Variants in CCSER1 observed in about 807,000 individuals in gnomAD.
The protein encoded by CCSER1 is serine-rich coiled-coil domain-containing protein 1.
CCSER1 carries 41 observed loss-of-function variants against 82.0 expected under a neutral mutation model. The ratio of observed to expected loss-of-function variants is 0.50; its 90% CI spans 0.39 to 0.65. The LOEUF is 0.65. Ranked by LOEUF, CCSER1 falls within the 30% of genes least tolerant of loss-of-function variation. CCSER1 has a pLI of 0.00. For synonymous variants in CCSER1, 414 were observed against 383.9 expected, an observed-to-expected ratio of 1.08 and a Z score of -0.92; for missense variants, 1,119 against 1,064.2, an observed-to-expected ratio of 1.05 and a Z score of -0.72.
At chr4:90,768,572 A>G (rs751042336) in intron 7 of CCSER1, among the ~76,000 whole-genome samples, 1 of 152,204 alleles carries the variant, frequency 6.6e-6, no homozygotes, top group Non-Finnish European at 1.5e-5. Flanking sequence ...AATGTTAGTG[A>G]AAGTGGAAAG....
intron 6 of CCSER1, among the ~76,000 whole-genome samples, chr4:90,662,435 C>G (rs1262987812): frequency 1.3e-5 from 2 of 151,980 alleles, no homozygotes; most frequent in African/African-American, 2.4e-5. Context: ...TTTTAATTTT[C>G]TGCATCTTTT....
At chr4:91,519,189 T>C (rs1334387828) in intron 10 of CCSER1, among the ~76,000 whole-genome samples, 1 of 152,162 alleles carries the variant, frequency 6.6e-6, no homozygotes, top group Non-Finnish European at 1.5e-5. Context: ...GGGACCTGTA[T>C]GGAGAACAGT....
At chr4:90,253,743 G>A (rs530073861) in intron 1 of CCSER1, among the ~76,000 whole-genome samples, 467 of 152,188 alleles carry the variant, frequency 3.1e-3, no homozygotes, top group Non-Finnish European at 4.5e-3. Context: ...ACAACCGTGG[G>A]CATGCACACA....
chr4:90,592,324 T>C (rs1399209384), intron 5 of CCSER1, among the ~76,000 whole-genome samples: 1 of 152,220 alleles, frequency 6.6e-6, no homozygotes, highest in Non-Finnish European at 1.5e-5. Flanking sequence ...AGTTGGATTA[T>C]ATTACAGACC....
chr4:91,020,510 A>C (rs1739842873), intron 9 of CCSER1, among the ~76,000 whole-genome samples: 1 of 152,068 alleles, frequency 6.6e-6, no homozygotes, highest in Non-Finnish European at 1.5e-5. Context: ...AAAATACAAA[A>C]AATTAGCCGG....
At chr4:90,414,063 T>A (rs1578358559) in intron 4 of CCSER1, among the ~76,000 whole-genome samples, 1 of 143,760 alleles carries the variant, frequency 7.0e-6, no homozygotes, top group South Asian at 2.2e-4. Flanking sequence ...TAAAATATGT[T>A]TTATAGTGCA....
chr4:90,413,420 A>G (rs180763718), intron 4 of CCSER1, among the ~76,000 whole-genome samples: 152 of 152,272 alleles, frequency 1.0e-3, no homozygotes, highest in Non-Finnish European at 1.9e-3. Flanking sequence ...AAACACTACC[A>G]TTATTCTTTG....
intron 9 of CCSER1, among the ~76,000 whole-genome samples, chr4:91,064,942 C>T (rs1177093784): frequency 6.6e-6 from 1 of 151,992 alleles, no homozygotes; most frequent in East Asian, 1.9e-4. Flanking sequence ...ATATTCTAAA[C>T]CTAGGTTTTC....
intron 10 of CCSER1, among the ~76,000 whole-genome samples, chr4:91,249,162 G>A (rs1431481326): frequency 2.0e-5 from 3 of 151,962 alleles, no homozygotes; most frequent in African/African-American, 4.8e-5. Context: ...CTGAAAATTC[G>A]GGGTGTAGTT....
intron 8 of CCSER1, among the ~76,000 whole-genome samples, chr4:90,843,396 C>CA (rs1184024445): frequency 1.3e-5 from 2 of 152,114 alleles, no homozygotes; most frequent in Admixed American, 1.3e-4. Context: ...AGTTAGGCCT[C>CA]AAATAGTTTA....
At chr4:90,753,385 C>G (rs1030599106) in intron 7 of CCSER1, among the ~76,000 whole-genome samples, 2 of 152,004 alleles carry the variant, frequency 1.3e-5, no homozygotes, top group Admixed American at 6.6e-5. Context: ...AATTTTATGT[C>G]AAAGAGGCAA....
At chr4:90,735,731 T>C (rs1745528313) in intron 7 of CCSER1, among the ~76,000 whole-genome samples, 2 of 152,100 alleles carry the variant, frequency 1.3e-5, no homozygotes, top group Non-Finnish European at 2.9e-5. Context: ...TTTATTGATC[T>C]GTATTATTTA....
chr4:91,084,209 G>A lies in CCSER1; in HGVS notation c.2173-1741G>A, dbSNP rs954970078. Among the ~76,000 whole-genome samples, 5 of 152,142 alleles carry A rather than the reference G, an allele frequency of 3.3e-5. No individual in the cohort carries two copies. The East Asian group carries it at 5.8e-4, about 18-fold the overall frequency. On this transcript the variant is annotated intron_variant, in intron 9 of 10. Coordinates refer to ENST00000509176, the MANE Select transcript of CCSER1 (RefSeq NM_001145065.2). ...TGCCTCCCAAAGTGTAGAGATTACAGGCATGAGCCACCATACCCAGCCTCA... is the reference window on the plus strand; with the variant it reads ...TGCCTCCCAAAGTGTAGAGATTACAAGCATGAGCCACCATACCCAGCCTCA...
intron 10 of CCSER1, among the ~76,000 whole-genome samples, chr4:91,483,716 A>G (rs968212165): frequency 6.6e-6 from 1 of 152,184 alleles, no homozygotes; most frequent in Non-Finnish European, 1.5e-5. Flanking sequence ...GATTACAGGC[A>G]TAAGCCACTG....
intron 10 of CCSER1, among the ~76,000 whole-genome samples, chr4:91,565,283 T>G (rs1409121505): frequency 6.6e-6 from 1 of 152,136 alleles, no homozygotes; most frequent in Non-Finnish European, 1.5e-5. Context: ...ACCAGTACCA[T>G]GCTGTTTTGT....
intron 9 of CCSER1, among the ~76,000 whole-genome samples, chr4:90,956,944 C>CTT (rs35180536): frequency 0.32 from 40,968 of 129,152 alleles, 7,284 homozygotes; most frequent in East Asian, 0.39. Context: ...CACAACCAGC[C>CTT]TTTTTTTTTT....
At chr4:90,913,400 A>C (rs1726752286) in intron 8 of CCSER1, among the ~76,000 whole-genome samples, 1 of 152,180 alleles carries the variant, frequency 6.6e-6, no homozygotes, top group South Asian at 2.1e-4. Context: ...TAAGCTTCAT[A>C]AGTGGAGGAG....
chr4:91,209,215 G>T (rs907737074), intron 10 of CCSER1, among the ~76,000 whole-genome samples: 3 of 151,846 alleles, frequency 2.0e-5, no homozygotes, highest in Admixed American at 2.0e-4. Flanking sequence ...TCTTTCATTT[G>T]CCTGATTGCT....
chr4:90,637,408 C>G (rs1158342388), intron 6 of CCSER1, among the ~76,000 whole-genome samples: 1 of 152,056 alleles, frequency 6.6e-6, no homozygotes, highest in Non-Finnish European at 1.5e-5. Flanking sequence ...TCACTTTTGT[C>G]AAATTTATTG....
Sources: gnomAD v4.1 joint callset for allele counts (sites outside exome capture counted in the v4.1 genomes callset) on GRCh38, gnomAD v4.1.1 for gene constraint, MANE v1.5 for transcripts, NCBI Gene and HGNC (gene_info 2026-07-23, HGNC 2026-07-21) for gene names.